The following SPMIP11 variants were observed in gnomAD, a reference collection of about 807,000 sequenced individuals.
SPMIP11 encodes long intergenic non-protein coding RNA 935.
At chr12:48,769,579 CCTTT>C in the SPMIP11 span, among the ~76,000 whole-genome samples, 1 of 151,182 alleles carries the variant, frequency 6.6e-6, no homozygotes, top group East Asian at 1.9e-4. Context: ...CTGGCTTCAT[CCTTT>C]CTTTTCTTTT....
chr12:48,764,946 C>G, the SPMIP11 span: 1 of 702,952 alleles, frequency 1.4e-6, no homozygotes, highest in Non-Finnish European at 2.6e-6. Flanking sequence ...GGAAACCATG[C>G]CATGGATCCG....
chr12:48,768,617 A>C, the SPMIP11 span: 1 of 1,614,104 alleles, frequency 6.2e-7, no homozygotes, highest in Non-Finnish European at 8.5e-7. Flanking sequence ...CCATTGAGGA[A>C]GTAGGTGGTC....
At chr12:48,730,308 G>A in the SPMIP11 span, among the ~76,000 whole-genome samples, 1 of 152,270 alleles carries the variant, frequency 6.6e-6, no homozygotes, top group African/African-American at 2.4e-5. Flanking sequence ...TCATTCTGGT[G>A]ACAGAAAATC....
chr12:48,732,642 C>T, the SPMIP11 span, among the ~76,000 whole-genome samples: 6 of 151,798 alleles, frequency 4.0e-5, no homozygotes, highest in African/African-American at 1.2e-4. Context: ...TGGTGACGGA[C>T]GCCTGTAATC....
the SPMIP11 span, chr12:48,765,662 A>C: frequency 1.4e-6 from 1 of 702,956 alleles, no homozygotes; most frequent in Non-Finnish European, 2.6e-6. Flanking sequence ...TTAAGAAGAT[A>C]TGGCTGCAGA....
At chr12:48,766,621 G>GGCCATC in the SPMIP11 span, 1 of 152,646 alleles carries the variant, frequency 6.6e-6, no homozygotes, top group African/African-American at 2.4e-5. Context: ...CATGACTAAT[G>GGCCATC]AAGTACCTGA....
At chr12:48,738,026 T>C in the SPMIP11 span, among the ~76,000 whole-genome samples, 8 of 151,828 alleles carry the variant, frequency 5.3e-5, no homozygotes, top group South Asian at 1.0e-3. Context: ...AGTCTCCCTA[T>C]GTTGCCCAGG....
the SPMIP11 span, chr12:48,765,031 G>A: frequency 1.5e-6 from 1 of 688,570 alleles, no homozygotes; most frequent in Non-Finnish European, 2.7e-6. Context: ...GGAGGTCAAG[G>A]GAAGTACTCC....
the SPMIP11 span, among the ~76,000 whole-genome samples, chr12:48,745,139 C>T: frequency 5.3e-5 from 8 of 150,536 alleles, no homozygotes; most frequent in Non-Finnish European, 1.0e-4. Flanking sequence ...GGCTTGGTGG[C>T]GGGCGCCTGT....
chr12:48,732,859 G>A, the SPMIP11 span, among the ~76,000 whole-genome samples: 93 of 150,208 alleles, frequency 6.2e-4, no homozygotes, highest in African/African-American at 1.8e-3. Context: ...ATTAAATTGT[G>A]GCTGGGAGCG....
the SPMIP11 span, among the ~76,000 whole-genome samples, chr12:48,763,279 C>T: frequency 6.6e-6 from 1 of 152,116 alleles, no homozygotes; most frequent in Non-Finnish European, 1.5e-5. Context: ...CTCAAACGAT[C>T]CTTCCCACCT....
chr12:48,770,566 G>T, the SPMIP11 span, among the ~76,000 whole-genome samples: 1 of 152,282 alleles, frequency 6.6e-6, no homozygotes, highest in East Asian at 1.9e-4. Flanking sequence ...ATAGTATCAG[G>T]ATTAAAATAT....
chr12:48,759,096 G>A, the SPMIP11 span: 3 of 612,734 alleles, frequency 4.9e-6, no homozygotes, highest in African/African-American at 3.7e-5. Flanking sequence ...AAAATTGGAT[G>A]TGAGTGGCTA....
the SPMIP11 span, among the ~76,000 whole-genome samples, chr12:48,746,521 C>G: frequency 6.6e-6 from 1 of 151,876 alleles, no homozygotes; most frequent in African/African-American, 2.4e-5. Context: ...AGCCTGCCAC[C>G]ACGGCCAGCT....
At chr12:48,742,278 C>CTTTTCT in the SPMIP11 span, among the ~76,000 whole-genome samples, 2 of 135,926 alleles carry the variant, frequency 1.5e-5, no homozygotes, top group African/African-American at 5.8e-5. Context: ...TTTTCTTTTC[C>CTTTTCT]TTTTTTTTTT....
chr12:48,755,436 C>T, the SPMIP11 span, among the ~76,000 whole-genome samples: 1 of 152,146 alleles, frequency 6.6e-6, no homozygotes, highest in Non-Finnish European at 1.5e-5. Flanking sequence ...GAGCTCATTG[C>T]GTCCCTCTAC....
chr12:48,738,701 C>G, the SPMIP11 span, among the ~76,000 whole-genome samples: 1 of 151,926 alleles, frequency 6.6e-6, no homozygotes, highest in East Asian at 1.9e-4. Flanking sequence ...CGTATGGCAC[C>G]TAACTTTCTT....
the SPMIP11 span, among the ~76,000 whole-genome samples, chr12:48,742,322 C>T: frequency 7.0e-6 from 1 of 142,576 alleles, no homozygotes; most frequent in Admixed American, 7.4e-5. Flanking sequence ...CACTCTGTCG[C>T]CAAGGCTGGA....
the SPMIP11 span, among the ~76,000 whole-genome samples, chr12:48,763,554 G>A: frequency 6.6e-6 from 1 of 151,458 alleles, no homozygotes; most frequent in East Asian, 1.9e-4. Flanking sequence ...GAATTATTAG[G>A]GATTTTAAAA....
Sources: allele counts gnomAD v4.1 joint callset (sites outside exome capture counted in the v4.1 genomes callset), GRCh38; gene constraint gnomAD v4.1.1; transcripts MANE v1.5; gene names NCBI Gene and HGNC (gene_info 2026-07-23, HGNC 2026-07-21).